GATA6: variants seen among roughly 807,000 people sequenced by gnomAD.
GATA6 encodes the protein transcription factor GATA-6.
In GATA6, 11 loss-of-function variants were observed where a neutral mutation model predicts 48.1. The observed-to-expected ratio is 0.23, with a 90% CI of 0.14 to 0.38. The LOEUF (loss-of-function observed/expected upper bound fraction) is 0.38. Among genes scored for constraint, GATA6 ranks in the 10% least tolerant of loss-of-function variants. The pLI is 1.00. For missense variants in GATA6, 795 were observed against 850.3 expected (o/e 0.93, Z 0.81); for synonymous variants, 419 against 396.1 (o/e 1.06, Z -0.69).
chr18:22,172,077 C>T lies in GATA6; in HGVS notation c.933C>T (p.Ser311=). Reference sequence around the variant, plus strand: ...TGGGCGGCCGCGAGCCCCAGTACAGCTCGCTGTCGGCCGCGCGGCCGCTGA... The same window carrying T: ...TGGGCGGCCGCGAGCCCCAGTACAGTTCGCTGTCGGCCGCGCGGCCGCTGA... ...AAMGGREPQY[S]SLSAARPLNG... is the part of the protein sequence containing the mutation. The change falls in exon 2 of 7, where the codon AGC becomes AGT. Residue 311 remains serine (S), a synonymous_variant. Coordinates refer to ENST00000269216, the MANE Select transcript of GATA6 (RefSeq NM_005257.6). The surrounding 1 kb of genome is among the most constrained non-coding windows in gnomAD (Gnocchi z 5.2). 1.4e-6 allele frequency: 2 copies of T among 1,460,066 alleles called. No homozygotes were observed. Among genetic ancestry groups the T allele is most frequent in the Non-Finnish European group, 1.8e-6 (2 of 1,111,154 alleles). 90.4% of individuals were successfully genotyped at this position (1,460,066 alleles called of 1,614,324 possible). A position where few individuals can be genotyped will look rare whatever the true frequency, so the allele number is the denominator to read the frequency against.
chr18:22,189,031 G>A (rs757158236), intron 6 of GATA6, among the ~76,000 whole-genome samples: 2 of 152,154 alleles, frequency 1.3e-5, no homozygotes, highest in Admixed American at 6.5e-5. Flanking sequence ...TAGGTTCCTC[G>A]CCAGCTGCAT....
chr18:22,188,632 A>G (rs1421465804), intron 6 of GATA6, among the ~76,000 whole-genome samples: 5 of 152,186 alleles, frequency 3.3e-5, no homozygotes, highest in Non-Finnish European at 7.3e-5. Flanking sequence ...TCGGTGACAA[A>G]TGTGTTTTCT....
At position 22,172,463 on chromosome 18, in the gene GATA6, G is replaced by C. The variant is rs1328332089; in HGVS notation, c.1135+184G>C. ...GGGTAACCCAGAGTCCGGTAGCGCT[G>C]AGGCGAGTTGTGCCAAGACTTGAGT... On this transcript the variant is annotated intron_variant, in intron 2 of 6. Coordinates refer to ENST00000269216, the MANE Select transcript of GATA6 (RefSeq NM_005257.6). The surrounding 1 kb of genome is among the most constrained non-coding windows in gnomAD (Gnocchi z 5.2). Among the ~76,000 whole-genome samples the C allele has an allele frequency of 6.6e-6, 1 of 152,244 alleles. No individual in the cohort carries two copies. Among genetic ancestry groups the C allele is most frequent in the African/African-American group, 2.4e-5 (1 of 41,476 alleles).
At chr18:22,191,435 GGC>G (rs371731859) in intron 6 of GATA6, among the ~76,000 whole-genome samples, 2 of 126,414 alleles carry the variant, frequency 1.6e-5, no homozygotes, top group African/African-American at 6.1e-5. Context: ...GGGAAAACAT[GGC>G]CAAATTTAAG....
chr18:22,197,729 CA>C (rs747517870), intron 6 of GATA6, among the ~76,000 whole-genome samples: 13 of 152,218 alleles, frequency 8.5e-5, no homozygotes, highest in Non-Finnish European at 1.5e-4. Flanking sequence ...AGAGGAGGCT[CA>C]GGGGGGACTG....
chr18:22,176,835 G>A (rs1040469686), intron 2 of GATA6, 120 bp from the exon 3 acceptor site: 5 of 1,197,400 alleles, frequency 4.2e-6, no homozygotes, highest in Middle Eastern at 2.8e-4. Flanking sequence ...AAGCTCAGCC[G>A]GGAAGGGCAC....
rs2033052965 is a variant in GATA6 at position 22,171,753 on chromosome 18, C to T, written c.609C>T (p.Tyr203=). 2 of 1,442,550 alleles carry T rather than the reference C, an allele frequency of 1.4e-6. No individual in the cohort carries two copies. The highest frequency in any genetic ancestry group is 2.9e-5 in the Admixed American group (1 of 33,916). 89.4% of individuals were successfully genotyped at this position (1,442,550 alleles called of 1,614,324 possible). The change falls in exon 2 of 7, where the codon TAC becomes TAT. Residue 203 remains tyrosine (Y), a synonymous_variant. Transcript: ENST00000269216. The surrounding 1 kb of genome is among the most constrained non-coding windows in gnomAD (Gnocchi z 7.1). ...RVGSMLPGLP[Y]HLQGSGSGPA... The stretch of plus-strand genomic sequence containing the variant: ...GTTCCATGCTGCCCGGCCTACCGTA[C>T]CACCTGCAGGGGTCGGGCAGTGGGC...
At position 22,170,244 on chromosome 18, in the gene GATA6, C is replaced by T; in HGVS notation, c.-38+562C>T. 6.6e-6 allele frequency among the ~76,000 whole-genome samples: 1 copy of T among 152,230 alleles called. No homozygotes were observed. The highest frequency in any genetic ancestry group is 1.9e-4 in the East Asian group (1 of 5,178). Reference sequence around the variant, plus strand: ...GCTCTCCGCTCCACCCCGCTACGTCCGATTCCGGAACGGTCCGGCGTTTCT... The same window carrying T: ...GCTCTCCGCTCCACCCCGCTACGTCTGATTCCGGAACGGTCCGGCGTTTCT... On this transcript the variant is annotated intron_variant, in intron 1 of 6. Transcript: ENST00000269216. The surrounding 1 kb of genome is among the most constrained non-coding windows in gnomAD (Gnocchi z 6.7).
At position 22,176,940 on chromosome 18, in the gene GATA6, C is replaced by T. The variant is rs1262318027; in HGVS notation, c.1136-15C>T. ...GCGCGCCCACTCCCGCCCTCACGCA[C>T]CGCTGTCGCCGCAGACCTGCTGGAG... On this transcript the variant is annotated splice_polypyrimidine_tract_variant and intron_variant, in intron 2 of 6. Transcript: ENST00000269216. 1 of 1,539,202 alleles carries T rather than the reference C, an allele frequency of 6.5e-7. No individual in the cohort carries two copies. Among genetic ancestry groups the T allele is most frequent in the Non-Finnish European group, 8.7e-7 (1 of 1,147,486 alleles).
intron 6 of GATA6, among the ~76,000 whole-genome samples, chr18:22,188,807 T>C (rs1173272570): frequency 1.3e-5 from 2 of 152,216 alleles, no homozygotes; most frequent in Non-Finnish European, 2.9e-5. Context: ...TTCTATGCGC[T>C]GACCTTCTTT....
chr18:22,194,235 C>G (rs2033362994), intron 6 of GATA6, among the ~76,000 whole-genome samples: 1 of 152,252 alleles, frequency 6.6e-6, no homozygotes, highest in African/African-American at 2.4e-5. Flanking sequence ...TGTCTCCCAC[C>G]TAACCCGGCC....
chr18:22,191,180 A>AATT, intron 6 of GATA6, among the ~76,000 whole-genome samples: 1 of 152,080 alleles, frequency 6.6e-6, no homozygotes, highest in African/African-American at 2.4e-5. Context: ...TTTGTAACAT[A>AATT]TGTCCACATA....
chr18:22,194,709 G>T (rs1231679455), intron 6 of GATA6, among the ~76,000 whole-genome samples: 2 of 123,144 alleles, frequency 1.6e-5, no homozygotes, highest in African/African-American at 3.1e-5. Flanking sequence ...TCCCCCCTCC[G>T]CCCCCCCCTC....
rs1299411634 is a variant in GATA6, at chr18:22,172,391, G to A, written c.1135+112G>A. 2 of 1,456,682 alleles carry A rather than the reference G, an allele frequency of 1.4e-6. No individual in the cohort carries two copies. Among genetic ancestry groups the A allele is most frequent in the African/African-American group, 2.8e-5 (2 of 70,210 alleles). 90.2% of individuals were successfully genotyped at this position (1,456,682 alleles called of 1,614,324 possible). ...GTTTTCAGGACTTTCTCGTCCGGGT[G>A]CGCGGAGGTCGGCCTGGTCCCAGGA... On this transcript the variant is annotated intron_variant, in intron 2 of 6. Transcript: ENST00000269216. The surrounding 1 kb of genome is among the most constrained non-coding windows in gnomAD (Gnocchi z 5.2).
intron 3 of GATA6, among the ~76,000 whole-genome samples, chr18:22,180,940 C>T (rs1002818593): frequency 2.7e-5 from 4 of 148,706 alleles, no homozygotes; most frequent in Admixed American, 6.7e-5. Context: ...TTGCTGTCCA[C>T]GGTGGGGGGT....
At position 22,185,546 on chromosome 18, in the gene GATA6, C is replaced by T. The variant is rs964889063; in HGVS notation, c.1620+2503C>T. Among the ~76,000 whole-genome samples the T allele has an allele frequency of 1.3e-5, 2 of 152,254 alleles. No homozygotes were observed. The highest frequency in any genetic ancestry group is 1.3e-4 in the Admixed American group (2 of 15,292). On this transcript the variant is annotated intron_variant, in intron 6 of 6. Coordinates refer to ENST00000269216, the MANE Select transcript of GATA6 (RefSeq NM_005257.6). This position sits in a 1 kb window ranked among gnomAD's most constrained non-coding sequence, Gnocchi z 4.3. ...GGGGTAGGGTTGCTGGCCTGCCTACCAACCTCCCCAGTTCCCCAGGGACTG... is the reference window on the plus strand; with the variant it reads ...GGGGTAGGGTTGCTGGCCTGCCTACTAACCTCCCCAGTTCCCCAGGGACTG...
In GATA6 at chr18:22,172,244, G is replaced by C. The variant is rs1293318805; in HGVS notation, c.1100G>C (p.Gly367Ala). The C allele has an allele frequency of 4.6e-6, 7 of 1,533,770 alleles. No homozygotes were observed. The highest frequency in any genetic ancestry group is 6.1e-6 in the Non-Finnish European group (7 of 1,146,210). ...PVLHSLQSRA[G>A]APLPVPRGPS... ...CTGCACAGCCTGCAGAGCCGCGCCGGAGCCCCGCTCCCGGTGCCCCGGGGT... is the reference window on the plus strand; with the variant it reads ...CTGCACAGCCTGCAGAGCCGCGCCGCAGCCCCGCTCCCGGTGCCCCGGGGT... Residue 367 changes from glycine (G) to alanine (A), a missense_variant, in exon 2 of 7, where the codon GGA (glycine) becomes GCA (alanine). Around this residue, in one of 5 missense-constraint regions of GATA6, gnomAD observed 591 missense variants for 570.0 expected, o/e 1.04. Coordinates refer to ENST00000269216, the MANE Select transcript of GATA6 (RefSeq NM_005257.6). This position sits in a 1 kb window ranked among gnomAD's most constrained non-coding sequence, Gnocchi z 5.2.
rs1487467113 is a variant in GATA6 at position 22,192,178 on chromosome 18, T to C, written c.1621-8478T>C. On this transcript the variant is annotated intron_variant, in intron 6 of 6. Transcript: ENST00000269216. ...AGCTCCAGCTCTGTCTGTGTGAGTA[T>C]AGCAAGCTGCCAAGGTTCTGTAAAG... 5.9e-5 allele frequency among the ~76,000 whole-genome samples: 9 copies of C among 152,208 alleles called. No individual in the cohort carries two copies. The South Asian group carries it at 8.3e-4, about 14-fold the overall frequency.
intron 6 of GATA6, among the ~76,000 whole-genome samples, chr18:22,187,209 G>A (rs555156273): frequency 6.6e-6 from 1 of 152,166 alleles, no homozygotes; most frequent in African/African-American, 2.4e-5. Flanking sequence ...GGCTGGGTGC[G>A]GTGGCTCACC....
Sources: gnomAD v4.1 joint callset for allele counts (sites outside exome capture counted in the v4.1 genomes callset) on GRCh38, gnomAD v4.1.1 for gene constraint, gnomAD v4.1.1 regional missense constraint, Gnocchi (gnomAD v3.1) non-coding constraint, MANE v1.5 for transcripts, NCBI Gene and HGNC (gene_info 2026-07-23, HGNC 2026-07-21) for gene names.